Variants in ATRNL1 observed in about 807,000 individuals in gnomAD.
ATRNL1 encodes the protein attractin like 1.
Under a neutral mutation model 182.7 loss-of-function variants are expected in ATRNL1, and 95 were observed. The observed-to-expected ratio is 0.52, with a 90% CI of 0.44 to 0.62. The LOEUF (loss-of-function observed/expected upper bound fraction) is 0.62, where lower values mean the gene tolerates loss of function less well. Among genes scored for constraint, ATRNL1 ranks in the 20% least tolerant of loss-of-function variants. ATRNL1 has a pLI of 0.00. For synonymous variants in ATRNL1, 576 were observed against 568.3 expected, an observed-to-expected ratio of 1.01 and a Z score of -0.19; for missense variants, 1,471 against 1,679.5, an observed-to-expected ratio of 0.88 and a Z score of 2.17.
chr10:115,823,952 A>G (rs1950364739), intron 27 of ATRNL1, among the ~76,000 whole-genome samples: 1 of 152,224 alleles, frequency 6.6e-6, no homozygotes, highest in Admixed American at 6.5e-5. Context: ...GGAACCAAAA[A>G]AGATCCCATA....
At chr10:115,166,918 T>A in intron 7 of ATRNL1, among the ~76,000 whole-genome samples, 1 of 152,052 alleles carries the variant, frequency 6.6e-6, no homozygotes, top group South Asian at 2.1e-4. Flanking sequence ...ATTTTAATTT[T>A]AATTTATTTT....
intron 28 of ATRNL1, among the ~76,000 whole-genome samples, chr10:115,909,930 C>T (rs143940503): frequency 9.5e-4 from 145 of 152,220 alleles, no homozygotes; most frequent in Non-Finnish European, 1.8e-3. Flanking sequence ...TCATTTTACT[C>T]AATGGGCATT....
Position 115,116,915 on chromosome 10 carries a change from C to T in ATRNL1, c.294-3270C>T, listed in dbSNP as rs537434685. 7.2e-5 allele frequency among the ~76,000 whole-genome samples: 11 copies of T among 151,976 alleles called. No homozygotes were observed. In the East Asian group the frequency reaches 1.5e-3, roughly 21 times the overall value. ...ATTGTACTACTGAAGTTGAATAGGA[C>T]GGGACAGGGTGTGTAGTTTTCAGGT... On this transcript the variant is annotated intron_variant, in intron 1 of 28. Transcript: ENST00000355044.
At chr10:115,530,954 G>A (rs1320798474) in intron 25 of ATRNL1, among the ~76,000 whole-genome samples, 4 of 151,964 alleles carry the variant, frequency 2.6e-5, no homozygotes, top group African/African-American at 9.7e-5. Flanking sequence ...CAAAGGGCAT[G>A]AACTCATCAT....
chr10:115,584,056 T>C (rs1396164542), intron 26 of ATRNL1, among the ~76,000 whole-genome samples: 1 of 152,174 alleles, frequency 6.6e-6, no homozygotes, highest in Non-Finnish European at 1.5e-5. Context: ...ATTACATTTA[T>C]TGATTTGCGT....
chr10:115,738,144 T>TG (rs1948024077), intron 27 of ATRNL1, among the ~76,000 whole-genome samples: 1 of 109,574 alleles, frequency 9.1e-6, no homozygotes, highest in Admixed American at 1.1e-4. Flanking sequence ...TTTTTTTTTT[T>TG]TTTTTTTTTT....
chr10:115,252,339 A>G (rs1363686585), intron 10 of ATRNL1, among the ~76,000 whole-genome samples: 1 of 151,806 alleles, frequency 6.6e-6, no homozygotes, highest in Non-Finnish European at 1.5e-5. Flanking sequence ...GGTCTTATAG[A>G]TTCTTTGGTC....
intron 21 of ATRNL1, among the ~76,000 whole-genome samples, chr10:115,455,395 C>T (rs2134503232): frequency 6.6e-6 from 1 of 152,210 alleles, no homozygotes; most frequent in South Asian, 2.1e-4. Context: ...AAAGGATTCC[C>T]TATGTAATAA....
intron 19 of ATRNL1, among the ~76,000 whole-genome samples, chr10:115,378,199 A>C (rs549140368): frequency 6.6e-6 from 1 of 152,254 alleles, no homozygotes; most frequent in South Asian, 2.1e-4. Flanking sequence ...CTGCTCTCAG[A>C]TTGTAGTTGA....
At chr10:115,561,953 G>A (rs1331649055) in intron 26 of ATRNL1, among the ~76,000 whole-genome samples, 2 of 152,038 alleles carry the variant, frequency 1.3e-5, no homozygotes, top group African/African-American at 4.8e-5. Flanking sequence ...ACACTTTGTA[G>A]TGTAATACAC....
intron 5 of ATRNL1, among the ~76,000 whole-genome samples, chr10:115,151,288 G>T (rs1318796073): frequency 4.6e-5 from 7 of 151,968 alleles, no homozygotes; most frequent in Non-Finnish European, 2.9e-5. Context: ...ATCCTTGAGG[G>T]ATCGCCACAC....
chr10:115,183,071 C>T (rs1247022235), intron 8 of ATRNL1, among the ~76,000 whole-genome samples: 1 of 151,024 alleles, frequency 6.6e-6, no homozygotes, highest in Non-Finnish European at 1.5e-5. Context: ...TAGTAGTTTC[C>T]CAAGAATGGA....
At position 115,899,497 on chromosome 10, in the gene ATRNL1, G is replaced by A. The variant is rs1028004798; in HGVS notation, c.4019-45161G>A. On this transcript the variant is annotated intron_variant, in intron 28 of 28. Transcript: ENST00000355044. ...CTAATTTTGTATTTTTAGTAGAGAT[G>A]GGGTTCCTCCATGTTGGCCAGGCTG... 5.7e-4 allele frequency among the ~76,000 whole-genome samples: 86 copies of A among 152,016 alleles called. 1 individual carries two copies. Among genetic ancestry groups the A allele is most frequent in the Admixed American group, 3.8e-3 (58 of 15,264 alleles).
rs1270445201 is a variant in ATRNL1 at position 115,215,582 on chromosome 10, A to G, written c.1349-115A>G. On this transcript the variant is annotated intron_variant, in intron 8 of 28. Transcript: ENST00000355044. Reference sequence around the variant, plus strand: ...TTGATTAAATTAATATTAGATATACAATGTTTACTCATAAAAATATGTCAT... The same window carrying G: ...TTGATTAAATTAATATTAGATATACGATGTTTACTCATAAAAATATGTCAT... 7 of 805,020 alleles carry G rather than the reference A, an allele frequency of 8.7e-6. No homozygotes were observed. The African/African-American group carries it at 9.0e-5, about 10-fold the overall frequency. The allele number at this position is 805,020 out of a possible 1,614,324, so 49.9% of individuals were successfully genotyped here. A position where few individuals can be genotyped will look rare whatever the true frequency, so the allele number is the denominator to read the frequency against.
intron 1 of ATRNL1, among the ~76,000 whole-genome samples, chr10:115,109,593 G>A (rs192103569): frequency 3.3e-5 from 5 of 151,674 alleles, no homozygotes; most frequent in East Asian, 1.9e-4. Context: ...CTGTTGTATC[G>A]GGGATTAAGT....
At chr10:115,138,888 T>C (rs956440989) in intron 5 of ATRNL1, among the ~76,000 whole-genome samples, 2 of 152,220 alleles carry the variant, frequency 1.3e-5, no homozygotes, top group Admixed American at 6.5e-5. Flanking sequence ...TTCCAAACTT[T>C]TATGCTGTGT....
intron 24 of ATRNL1, among the ~76,000 whole-genome samples, chr10:115,491,047 T>TTATC (rs1452546721): frequency 6.6e-6 from 1 of 152,190 alleles, no homozygotes; most frequent in Non-Finnish European, 1.5e-5. Context: ...TTTTGCCTGG[T>TTATC]TATCACCAGC....
chr10:115,278,870 C>G (rs537853205), intron 13 of ATRNL1, among the ~76,000 whole-genome samples: 31 of 152,038 alleles, frequency 2.0e-4, no homozygotes, highest in African/African-American at 7.5e-4. Context: ...TATAGTGAGA[C>G]CATCTGATAT....
intron 20 of ATRNL1, among the ~76,000 whole-genome samples, chr10:115,401,180 C>T (rs1844547744): frequency 6.6e-6 from 1 of 151,864 alleles, no homozygotes; most frequent in Non-Finnish European, 1.5e-5. Context: ...TGAATAGTCA[C>T]AGCCTCTTAT....
Sources: gnomAD v4.1 joint callset for allele counts (sites outside exome capture counted in the v4.1 genomes callset) on GRCh38, gnomAD v4.1.1 for gene constraint, MANE v1.5 for transcripts, NCBI Gene and HGNC (gene_info 2026-07-23, HGNC 2026-07-21) for gene names.